Variants in BLTP1 observed in about 807,000 individuals in gnomAD.
BLTP1 encodes bridge-like lipid transfer protein family member 1.
the BLTP1 span, chr4:122,209,320 C>T: frequency 1.9e-6 from 3 of 1,611,650 alleles, no homozygotes; most frequent in Admixed American, 1.7e-5. Context: ...CAAAATGGCG[C>T]AACGTTACTC....
At chr4:122,154,372 G>A in the BLTP1 span, 1 of 984,760 alleles carries the variant, frequency 1.0e-6, no homozygotes, top group Non-Finnish European at 1.2e-6. Context: ...GAATGGGGGT[G>A]GGGTGGTGGT....
chr4:122,182,995 A>T, the BLTP1 span: 6 of 984,932 alleles, frequency 6.1e-6, no homozygotes, highest in Non-Finnish European at 7.2e-6. Context: ...CATTTTAATG[A>T]GATGTAATAT....
chr4:122,283,452 ACTTTTT>A, the BLTP1 span, among the ~76,000 whole-genome samples: 342 of 135,312 alleles, frequency 2.5e-3, 2 homozygotes, highest in African/African-American at 8.4e-3. Context: ...TTGCTGCCTG[ACTTTTT>A]CTTTTTCAGG....
chr4:122,175,291 C>A, the BLTP1 span: 1 of 982,426 alleles, frequency 1.0e-6, no homozygotes, highest in Non-Finnish European at 1.2e-6. Context: ...AATTATTTCC[C>A]AATCAAAAGT....
chr4:122,162,117 A>G, the BLTP1 span, among the ~76,000 whole-genome samples: 7,603 of 152,310 alleles, frequency 0.05, 273 homozygotes, highest in Non-Finnish European at 0.075. Flanking sequence ...CTTAAACTTA[A>G]TACTCAGAAT....
chr4:122,219,381 A>G, the BLTP1 span: 5 of 1,614,100 alleles, frequency 3.1e-6, no homozygotes, highest in South Asian at 4.4e-5. Flanking sequence ...TGGATTTTGA[A>G]GAGGTTATCT....
the BLTP1 span, among the ~76,000 whole-genome samples, chr4:122,302,967 A>G: frequency 6.6e-6 from 1 of 152,252 alleles, no homozygotes; most frequent in South Asian, 2.1e-4. Context: ...TTCATAACAT[A>G]AAAGTGCAAA....
the BLTP1 span, chr4:122,199,567 G>T: frequency 5.1e-5 from 43 of 843,832 alleles, no homozygotes; most frequent in East Asian, 8.8e-4. Context: ...TCTAGTTCAA[G>T]AACAGCTAGG....
At chr4:122,184,675 G>A in the BLTP1 span, 5 of 984,570 alleles carry the variant, frequency 5.1e-6, no homozygotes, top group Non-Finnish European at 6.0e-6. Flanking sequence ...ATTCATAGCA[G>A]TTGCTAAGAA....
At chr4:122,289,329 A>G in the BLTP1 span, 4 of 795,452 alleles carry the variant, frequency 5.0e-6, no homozygotes, top group Non-Finnish European at 3.6e-6. Context: ...GAAACTGTGC[A>G]TTCCTTTTAT....
chr4:122,207,146 A>T, the BLTP1 span: 1 of 1,608,452 alleles, frequency 6.2e-7, no homozygotes, highest in Non-Finnish European at 8.5e-7. Context: ...AGTCCTCCAG[A>T]CATTTTTTCA....
chr4:122,330,338 C>T, the BLTP1 span, among the ~76,000 whole-genome samples: 10 of 151,896 alleles, frequency 6.6e-5, no homozygotes, highest in African/African-American at 2.2e-4. Flanking sequence ...TTTTGCATTC[C>T]TACCAAAATA....
At chr4:122,223,790 G>A in the BLTP1 span, among the ~76,000 whole-genome samples, 1 of 152,148 alleles carries the variant, frequency 6.6e-6, no homozygotes, top group Non-Finnish European at 1.5e-5. Flanking sequence ...AAAAGTCAAT[G>A]CATTTGTCAG....
chr4:122,343,299 G>A, the BLTP1 span: 1 of 1,352,066 alleles, frequency 7.4e-7, no homozygotes, highest in South Asian at 1.4e-5. Flanking sequence ...TTGATCTGAT[G>A]TTTGAGTGTT....
chr4:122,254,871 C>T, the BLTP1 span: 1 of 1,613,736 alleles, frequency 6.2e-7, no homozygotes, highest in Admixed American at 1.7e-5. Flanking sequence ...TTGACCAACT[C>T]AAGTCATCTT....
chr4:122,240,253 G>C, the BLTP1 span: 1 of 1,614,054 alleles, frequency 6.2e-7, no homozygotes, highest in Non-Finnish European at 8.5e-7. Context: ...ACCAACAAAA[G>C]AACCTCTAAA....
At chr4:122,272,928 T>C in the BLTP1 span, among the ~76,000 whole-genome samples, 3 of 152,094 alleles carry the variant, frequency 2.0e-5, no homozygotes, top group African/African-American at 4.8e-5. Context: ...CCTATTATTT[T>C]ATGTATCACA....
the BLTP1 span, chr4:122,196,560 A>G: frequency 1.7e-6 from 2 of 1,193,772 alleles, no homozygotes; most frequent in Non-Finnish European, 2.4e-6. Context: ...AAATTAGAAT[A>G]TTGATTATGT....
the BLTP1 span, chr4:122,152,560 T>A: frequency 3.0e-6 from 3 of 985,594 alleles, no homozygotes; most frequent in Non-Finnish European, 3.6e-6. Flanking sequence ...CAGAGGGATT[T>A]CGGGCTGCCT....
Sources: allele counts gnomAD v4.1 joint callset (sites outside exome capture counted in the v4.1 genomes callset), GRCh38; gene constraint gnomAD v4.1.1; transcripts MANE v1.5; gene names NCBI Gene and HGNC (gene_info 2026-07-23, HGNC 2026-07-21).